Variants in DHX57 observed in about 807,000 individuals in gnomAD.
DHX57 encodes the protein DExH-box helicase 57, also known as putative ATP-dependent RNA helicase DHX57.
Under a neutral mutation model 156.2 loss-of-function variants are expected in DHX57, and 105 were observed. The ratio of observed to expected loss-of-function variants is 0.67; its 90% CI spans 0.57 to 0.79. The LOEUF is 0.79. Among genes scored for constraint, DHX57 ranks in the 30% least tolerant of loss-of-function variants. The pLI is 0.00. For synonymous variants in DHX57, 704 were observed against 595.6 expected (o/e 1.18, Z -2.65); for missense variants, 1,847 against 1,661.9 (o/e 1.11, Z -1.94).
chr2:38,802,886 C>T lies in DHX57; in HGVS notation c.3846G>A (p.Leu1282=). ...GACTAGTTTTTATCTTCTCGTGGTA[C>T]AACAGGTAGGGGCTGTCAAAGTGTC... ...QVRHFDSPYL[L]YHEKIKTSRV... is the part of the protein sequence containing the mutation. Residue 1282 remains leucine, a synonymous_variant, in exon 23 of 24, where the codon TTG becomes TTA. Coordinates refer to ENST00000457308, the MANE Select transcript of DHX57 (RefSeq NM_198963.3). 1 of 1,614,104 alleles carries T rather than the reference C, an allele frequency of 6.2e-7. No homozygotes were observed.
At chr2:38,840,190 T>TAGAG (rs1671908909) in intron 12 of DHX57, among the ~76,000 whole-genome samples, 1 of 151,964 alleles carries the variant, frequency 6.6e-6, no homozygotes, top group Admixed American at 6.6e-5. Context: ...AGCAATCCTC[T>TAGAG]GGCCTCAGCC....
At chr2:38,836,257 G>GC (rs1299668978) in intron 13 of DHX57, among the ~76,000 whole-genome samples, 2 of 152,052 alleles carry the variant, frequency 1.3e-5, no homozygotes, top group African/African-American at 4.8e-5. Flanking sequence ...CAATGAGCGT[G>GC]CCTGCCTCTT....
intron 21 of DHX57, among the ~76,000 whole-genome samples, chr2:38,813,279 T>C (rs955345201): frequency 2.6e-5 from 4 of 152,202 alleles, no homozygotes; most frequent in Middle Eastern, 3.2e-3. Flanking sequence ...TGGAATATCA[T>C]ATGTCAGAAG....
chr2:38,839,219 C>T (rs1333854589), intron 12 of DHX57, among the ~76,000 whole-genome samples: 4 of 151,808 alleles, frequency 2.6e-5, no homozygotes, highest in African/African-American at 4.8e-5. Context: ...CGTGAGCCAC[C>T]GCGCCCGGCC....
rs190137485 is a variant in DHX57 at position 38,821,330 on chromosome 2, A to T, written c.3291+1663T>A. Among the ~76,000 whole-genome samples the T allele has an allele frequency of 2.0e-5, 3 of 152,286 alleles. No homozygotes were observed. In the East Asian group the frequency reaches 5.8e-4, roughly 29 times the overall value. On this transcript the variant is annotated intron_variant, in intron 17 of 23. Transcript: ENST00000457308. ...GAAAAAGAAGAGCCACCTAAACCTTAAGTAAACAGAAGGAAGGAAAGAATA... is the reference window on the plus strand; with the variant it reads ...GAAAAAGAAGAGCCACCTAAACCTTTAGTAAACAGAAGGAAGGAAAGAATA...
intron 1 of DHX57, among the ~76,000 whole-genome samples, chr2:38,871,926 T>A (rs1376969496): frequency 6.6e-6 from 1 of 152,126 alleles, no homozygotes; most frequent in Non-Finnish European, 1.5e-5. Flanking sequence ...GCCAGGATGG[T>A]CTCGATCTCT....
chr2:38,862,354 A>G (rs754521755), intron 3 of DHX57, 21 bp from the exon 4 acceptor site: 3 of 1,519,178 alleles, frequency 2.0e-6, no homozygotes, highest in Non-Finnish European at 2.7e-6. Flanking sequence ...CAACATTTTC[A>G]TATATTAGAT....
At chr2:38,816,224 T>C (rs1303451584) in intron 19 of DHX57, 2 of 470,058 alleles carry the variant, frequency 4.3e-6, no homozygotes, top group Non-Finnish European at 8.8e-6. Context: ...CAATATTTTT[T>C]TTTTTTTTGA....
At chr2:38,857,888 C>T (rs1022243000) in intron 6 of DHX57, among the ~76,000 whole-genome samples, 1 of 152,010 alleles carries the variant, frequency 6.6e-6, no homozygotes, top group Non-Finnish European at 1.5e-5. Context: ...TTAATTTTTT[C>T]TAAGGTAAAT....
intron 3 of DHX57, 44 bp downstream of exon 3, chr2:38,863,317 A>G: frequency 6.3e-7 from 1 of 1,577,942 alleles, no homozygotes; most frequent in Non-Finnish European, 8.6e-7. Context: ...CACTGCCAGT[A>G]TGTTTTCCTT....
At chr2:38,843,342 G>C (rs1023840708) in intron 11 of DHX57, 132 bp from the exon 12 acceptor site, 4 of 887,740 alleles carry the variant, frequency 4.5e-6, no homozygotes, top group Non-Finnish European at 5.2e-6. Context: ...CCTTCCACCA[G>C]TCCAGGATTC....
intron 1 of DHX57, among the ~76,000 whole-genome samples, chr2:38,873,119 C>T (rs2124956699): frequency 6.6e-6 from 1 of 152,222 alleles, no homozygotes; most frequent in African/African-American, 2.4e-5. Flanking sequence ...TCCCGAGTAG[C>T]TGGGACTACA....
At position 38,815,994 on chromosome 2, in the gene DHX57, C is replaced by T. The variant is rs889698811; in HGVS notation, c.3472-339G>A. ...GAAATTCTTAGGACAGCAAAAAATGCTGTTTGTTTTGACTGGAATTCCAAC... is the reference window on the plus strand; with the variant it reads ...GAAATTCTTAGGACAGCAAAAAATGTTGTTTGTTTTGACTGGAATTCCAAC... On this transcript the variant is annotated intron_variant, in intron 19 of 23. Transcript: ENST00000457308. The T allele has an allele frequency of 1.8e-5, 7 of 397,782 alleles. No individual in the cohort carries two copies. In the Admixed American group the frequency reaches 2.5e-4, roughly 14 times the overall value. The allele number at this position is 397,782 out of a possible 1,614,324, so 24.6% of individuals were successfully genotyped here. A position where few individuals can be genotyped will look rare whatever the true frequency, so the allele number is the denominator to read the frequency against.
At chr2:38,866,849 C>T (rs993793957) in intron 2 of DHX57, among the ~76,000 whole-genome samples, 4 of 152,106 alleles carry the variant, frequency 2.6e-5, no homozygotes, top group Admixed American at 2.0e-4. Context: ...TCGCTTGAGC[C>T]CAGGAGTTCA....
intron 21 of DHX57, chr2:38,811,170 T>A: frequency 2.0e-6 from 1 of 506,396 alleles, no homozygotes; most frequent in Non-Finnish European, 3.7e-6. Context: ...GGGATGGGAA[T>A]CCCATGTTTC....
At chr2:38,803,685 C>G (rs1439083613) in intron 22 of DHX57, among the ~76,000 whole-genome samples, 1 of 151,326 alleles carries the variant, frequency 6.6e-6, no homozygotes, top group Non-Finnish European at 1.5e-5. Flanking sequence ...ACAGGGATTT[C>G]ATCATGCTGG....
chr2:38,828,092 G>C (rs886430273), intron 14 of DHX57, among the ~76,000 whole-genome samples: 1 of 152,098 alleles, frequency 6.6e-6, no homozygotes, highest in Non-Finnish European at 1.5e-5. Context: ...CTGACCTCAG[G>C]TGATCCGCCC....
At chr2:38,812,203 C>A (rs1455415298) in intron 21 of DHX57, among the ~76,000 whole-genome samples, 1 of 152,182 alleles carries the variant, frequency 6.6e-6, no homozygotes, top group Non-Finnish European at 1.5e-5. Flanking sequence ...AATATAAAAA[C>A]CAGTAAATCT....
At chr2:38,848,637 G>C (rs1672416582) in intron 9 of DHX57, among the ~76,000 whole-genome samples, 1 of 152,168 alleles carries the variant, frequency 6.6e-6, no homozygotes, top group South Asian at 2.1e-4. Context: ...AATTTTCTCA[G>C]ATTTTAGAAT....
Sources: allele counts gnomAD v4.1 joint callset (sites outside exome capture counted in the v4.1 genomes callset), GRCh38; gene constraint gnomAD v4.1.1; transcripts MANE v1.5; gene names NCBI Gene and HGNC (gene_info 2026-07-23, HGNC 2026-07-21).